The following CSMD1 variants were observed in gnomAD, a reference collection of about 807,000 sequenced individuals.
The protein encoded by CSMD1 is CUB and Sushi multiple domains 1.
CSMD1 carries 213 observed loss-of-function variants against 417.5 expected under a neutral mutation model. The observed-to-expected ratio is 0.51, with a 90% CI of 0.46 to 0.57. CSMD1 has a LOEUF of 0.57. Among genes scored for constraint, CSMD1 ranks in the 20% least tolerant of loss-of-function variants. The probability of loss-of-function intolerance (pLI) is 0.00; values close to 1 mark genes in which losing one functional copy is unlikely to be tolerated. For synonymous variants in CSMD1, 2,862 were observed against 1,736.8 expected (o/e 1.65, Z -16.11); for missense variants, 6,923 against 4,529.7 (o/e 1.53, Z -15.17).
At chr8:3,627,025 G>T (rs535372432) in intron 7 of CSMD1, among the ~76,000 whole-genome samples, 1 of 152,082 alleles carries the variant, frequency 6.6e-6, no homozygotes, top group African/African-American at 2.4e-5. Context: ...ATTTCCTCAG[G>T]AGTTTAGGCA....
At chr8:3,433,270 A>C (rs560621459) in intron 12 of CSMD1, among the ~76,000 whole-genome samples, 1 of 152,298 alleles carries the variant, frequency 6.6e-6, no homozygotes, top group African/African-American at 2.4e-5. Context: ...CTTCTAACTT[A>C]TCTCCAGGTC....
intron 5 of CSMD1, among the ~76,000 whole-genome samples, chr8:3,954,063 G>T (rs1811761358): frequency 6.6e-6 from 1 of 152,150 alleles, no homozygotes; most frequent in African/African-American, 2.4e-5. Flanking sequence ...CCTGTCCCCG[G>T]GACCCCGCCT....
intron 2 of CSMD1, among the ~76,000 whole-genome samples, chr8:4,539,427 T>G (rs1190693714): frequency 1.3e-5 from 2 of 152,218 alleles, no homozygotes; most frequent in Non-Finnish European, 2.9e-5. Flanking sequence ...TGGCATTACA[T>G]TTTTAGTCAG....
chr8:3,948,198 C>G (rs1169982444), intron 5 of CSMD1, among the ~76,000 whole-genome samples: 1 of 151,858 alleles, frequency 6.6e-6, no homozygotes, highest in East Asian at 1.9e-4. Flanking sequence ...ACCAAGACTC[C>G]GTCTAAATAA....
intron 5 of CSMD1, among the ~76,000 whole-genome samples, chr8:3,755,359 G>C (rs1050745079): frequency 6.6e-6 from 1 of 152,192 alleles, no homozygotes; most frequent in African/African-American, 2.4e-5. Flanking sequence ...ACATGTAAAT[G>C]TACCTGAAGC....
rs73179697 is a variant in CSMD1, at chr8:4,802,014, G to C, written c.86-164456C>G. 6.7e-3 allele frequency among the ~76,000 whole-genome samples: 1,021 copies of C among 152,214 alleles called. 4 individuals are homozygous for C. The highest frequency in any genetic ancestry group is 0.011 in the Non-Finnish European group (746 of 68,000). ...CAAGGCTCAGCATTTTGCTTCCCTG[G>C]TGTAGACAGACCATTTGCAAAGGGC... On this transcript the variant is annotated intron_variant, in intron 1 of 69. Transcript: ENST00000635120.
chr8:4,583,064 G>T (rs891188136), intron 2 of CSMD1, among the ~76,000 whole-genome samples: 1 of 152,194 alleles, frequency 6.6e-6, no homozygotes, highest in Non-Finnish European at 1.5e-5. Flanking sequence ...CTGCCTTCCC[G>T]CGGGGCAGGG....
intron 52 of CSMD1, among the ~76,000 whole-genome samples, chr8:3,015,298 G>A (rs1808741720): frequency 6.6e-6 from 1 of 152,126 alleles, no homozygotes; most frequent in South Asian, 2.1e-4. Flanking sequence ...TCCTGGGACA[G>A]TTGCTTTGCT....
At chr8:3,871,849 G>T (rs984853282) in intron 5 of CSMD1, among the ~76,000 whole-genome samples, 1 of 152,152 alleles carries the variant, frequency 6.6e-6, no homozygotes, top group Non-Finnish European at 1.5e-5. Context: ...TAGCTTGTGA[G>T]CCAAGAACTC....
intron 66 of CSMD1, among the ~76,000 whole-genome samples, chr8:2,950,663 A>C (rs887608768): frequency 1.3e-5 from 2 of 152,326 alleles, no homozygotes; most frequent in African/African-American, 4.8e-5. Context: ...GTATACAGTA[A>C]AAATACATCA....
intron 5 of CSMD1, among the ~76,000 whole-genome samples, chr8:3,933,636 T>C (rs1169107499): frequency 6.6e-6 from 1 of 152,198 alleles, no homozygotes; most frequent in African/African-American, 2.4e-5. Flanking sequence ...TTAGTCTCTA[T>C]ATTGAAGAGA....
At chr8:4,356,491 G>T (rs534318472) in intron 3 of CSMD1, among the ~76,000 whole-genome samples, 1 of 152,160 alleles carries the variant, frequency 6.6e-6, no homozygotes, top group African/African-American at 2.4e-5. Context: ...AGATACCTGG[G>T]AGTGGGATTG....
intron 1 of CSMD1, among the ~76,000 whole-genome samples, chr8:4,834,814 G>T (rs377321427): frequency 1.3e-5 from 2 of 151,334 alleles, no homozygotes; most frequent in African/African-American, 4.9e-5. Context: ...AAAATTAGCC[G>T]GGCGTGGTGG....
chr8:4,205,763 G>A (rs774663685), intron 3 of CSMD1, among the ~76,000 whole-genome samples: 4 of 151,830 alleles, frequency 2.6e-5, no homozygotes, highest in Non-Finnish European at 4.4e-5. Flanking sequence ...CAGCTGTTTG[G>A]GCCATAGAAG....
chr8:3,632,689 A>G (rs977296850), intron 7 of CSMD1, among the ~76,000 whole-genome samples: 1 of 152,210 alleles, frequency 6.6e-6, no homozygotes, highest in Non-Finnish European at 1.5e-5. Flanking sequence ...ATCCATCAGT[A>G]CTATTTAGGC....
intron 25 of CSMD1, among the ~76,000 whole-genome samples, chr8:3,304,706 A>T (rs1804683833): frequency 7.3e-6 from 1 of 136,382 alleles, no homozygotes; most frequent in African/African-American, 2.8e-5. Context: ...GCACGTTTTT[A>T]TTCAAATATT....
chr8:3,043,269 C>T (rs944242029), intron 50 of CSMD1, among the ~76,000 whole-genome samples: 1 of 140,938 alleles, frequency 7.1e-6, no homozygotes, highest in Admixed American at 7.2e-5. Context: ...AGTACTATAG[C>T]GAATATAGTA....
chr8:3,661,350 C>G (rs547246259), intron 7 of CSMD1, among the ~76,000 whole-genome samples: 2 of 152,270 alleles, frequency 1.3e-5, no homozygotes, highest in East Asian at 3.9e-4. Context: ...CCAGCTGTTT[C>G]TCCACCTCAC....
At chr8:3,720,191 T>A (rs1802070391) in intron 6 of CSMD1, among the ~76,000 whole-genome samples, 1 of 152,076 alleles carries the variant, frequency 6.6e-6, no homozygotes, top group South Asian at 2.1e-4. Context: ...ACCTCTCCAC[T>A]CCCCAAGTAA....
Sources: allele counts gnomAD v4.1 joint callset (sites outside exome capture counted in the v4.1 genomes callset), GRCh38; gene constraint gnomAD v4.1.1; transcripts MANE v1.5; gene names NCBI Gene and HGNC (gene_info 2026-07-23, HGNC 2026-07-21).